PCDHGA6: variants seen among roughly 807,000 people sequenced by gnomAD.
PCDHGA6 encodes the protein protocadherin gamma-A6.
PCDHGA6 carries 41 observed loss-of-function variants against 60.6 expected under a neutral mutation model. The observed-to-expected ratio is 0.68, with a 90% CI of 0.53 to 0.88. The LOEUF is 0.88. Ranked by LOEUF, PCDHGA6 falls within the 40% of genes least tolerant of loss-of-function variation. The probability of loss-of-function intolerance (pLI) is 0.00; values close to 1 mark genes in which losing one functional copy is unlikely to be tolerated. For missense variants in PCDHGA6, 1,312 were observed against 1,203.0 expected (o/e 1.09, Z -1.34); for synonymous variants, 594 against 524.4 (o/e 1.13, Z -1.81).
rs766182165 is a variant in PCDHGA6 at position 141,478,048 on chromosome 5, C to T, written c.2425-16759C>T. ...ACACAGATTCACCCAGGCAGACTCT[C>T]ACGGTCTTGATCAAAGACAATGGGG... On this transcript the variant is annotated intron_variant, in intron 1 of 3. Transcript: ENST00000517434. 5.6e-6 allele frequency: 9 copies of T among 1,614,040 alleles called. No homozygotes were observed. In the Admixed American group the frequency reaches 1.0e-4, roughly 18 times the overall value.
chr5:141,409,405 C>G, intron 1 of PCDHGA6: 1 of 1,614,050 alleles, frequency 6.2e-7, no homozygotes, highest in Non-Finnish European at 8.5e-7. Flanking sequence ...CCAATAACTA[C>G]TACAAACTGG....
chr5:141,399,998 C>T (rs753846360), intron 1 of PCDHGA6: 37 of 1,612,212 alleles, frequency 2.3e-5, no homozygotes, highest in Non-Finnish European at 2.7e-5. Context: ...GAGGTGCGCA[C>T]AGCGCGTGCC....
intron 1 of PCDHGA6, chr5:141,441,209 G>A (rs1276958461): frequency 1.3e-5 from 2 of 152,158 alleles, no homozygotes; most frequent in East Asian, 3.9e-4. Flanking sequence ...TCTGCACCTT[G>A]GACAGTAATC....
chr5:141,486,019 T>C lies in PCDHGA6; in HGVS notation c.2425-8788T>C, dbSNP rs2078071. 3.2e-3 allele frequency: 5,143 copies of C among 1,613,986 alleles called. 141 individuals carry two copies. In the South Asian group the frequency reaches 0.046, roughly 14 times the overall value. ...GTGGTAACGTCACCTTTTATTTCAG[T>C]GGTCATACCCCTGATCGTGTAAGAA... On this transcript the variant is annotated intron_variant, in intron 1 of 3. Transcript: ENST00000517434. The surrounding 1 kb of genome is among the most constrained non-coding windows in gnomAD (Gnocchi z 5.0).
chr5:141,381,798 C>CTCTTTCTTTCTTTCTTTCTT (rs372235829), intron 1 of PCDHGA6, among the ~76,000 whole-genome samples: 32 of 144,170 alleles, frequency 2.2e-4, no homozygotes, highest in African/African-American at 7.7e-4. Flanking sequence ...AGGCAATTCC[C>CTCTTTCTTTCTTTCTTTCTT]TCTTTCTTTC....
chr5:141,464,389 A>G (rs2099082481), intron 1 of PCDHGA6, among the ~76,000 whole-genome samples: 1 of 151,766 alleles, frequency 6.6e-6, no homozygotes, highest in Non-Finnish European at 1.5e-5. Flanking sequence ...AAAAATGCTA[A>G]TGAAGAACCT....
At chr5:141,421,089 T>A (rs1047424267) in intron 1 of PCDHGA6, 25 of 661,836 alleles carry the variant, frequency 3.8e-5, no homozygotes, top group Middle Eastern at 4.1e-4. Context: ...TCACAGATCC[T>A]GACACTGGAG....
chr5:141,388,432 A>C (rs760022375), intron 1 of PCDHGA6: 1 of 1,613,760 alleles, frequency 6.2e-7, no homozygotes, highest in South Asian at 1.1e-5. Context: ...CTGATAAATA[A>C]AGAGAAATCA....
At chr5:141,504,384 C>G (rs2099837898) in intron 2 of PCDHGA6, among the ~76,000 whole-genome samples, 1 of 152,026 alleles carries the variant, frequency 6.6e-6, no homozygotes, top group South Asian at 2.1e-4. Flanking sequence ...GAGTCGCTGC[C>G]TCACAGAAGC....
At chr5:141,404,752 G>A (rs774409689) in intron 1 of PCDHGA6, 1 of 1,614,010 alleles carries the variant, frequency 6.2e-7, no homozygotes, top group Non-Finnish European at 8.5e-7. Context: ...ACTCAGGCCA[G>A]AATGCTTGGC....
At chr5:141,448,573 A>AT (rs976781630) in intron 1 of PCDHGA6, among the ~76,000 whole-genome samples, 10 of 151,772 alleles carry the variant, frequency 6.6e-5, no homozygotes, top group East Asian at 5.8e-4. Flanking sequence ...TTATTTCCCC[A>AT]TTTTTTTTAC....
intron 1 of PCDHGA6, chr5:141,475,902 C>A (rs1296545944): frequency 1.7e-6 from 1 of 576,594 alleles, no homozygotes; most frequent in Non-Finnish European, 3.0e-6. Context: ...GTGCCGCTGT[C>A]GGCCAATGAA....
chr5:141,405,477 T>A, intron 1 of PCDHGA6: 1 of 1,025,232 alleles, frequency 9.8e-7, no homozygotes, highest in Non-Finnish European at 1.4e-6. Context: ...TGGAATGCAG[T>A]GGTGTGATCT....
chr5:141,494,948 G>C (rs909146), intron 2 of PCDHGA6, 83 bp downstream of exon 2: 1 of 1,608,226 alleles, frequency 6.2e-7, no homozygotes, highest in South Asian at 1.1e-5. Flanking sequence ...GGAGGGCCCA[G>C]CATTTGCTAC....
intron 1 of PCDHGA6, chr5:141,418,513 G>T (rs377653202): frequency 1.1e-4 from 173 of 1,613,842 alleles, no homozygotes; most frequent in Non-Finnish European, 1.2e-4. Flanking sequence ...TAGATGGTGG[G>T]GACCCTCCCC....
intron 1 of PCDHGA6, among the ~76,000 whole-genome samples, chr5:141,469,108 C>A (rs923728484): frequency 4.0e-5 from 6 of 151,768 alleles, no homozygotes; most frequent in Non-Finnish European, 5.9e-5. Context: ...AAGAACCTGT[C>A]TCTAAAAAAA....
At chr5:141,451,107 C>T (rs768308463) in intron 1 of PCDHGA6, among the ~76,000 whole-genome samples, 3 of 152,118 alleles carry the variant, frequency 2.0e-5, no homozygotes, top group Non-Finnish European at 4.4e-5. Flanking sequence ...GGATTACAGG[C>T]GTGAGCCACC....
intron 1 of PCDHGA6, chr5:141,388,917 G>C: frequency 6.2e-7 from 1 of 1,614,026 alleles, no homozygotes. Flanking sequence ...CGCCCCAGAA[G>C]TGATATTCCA....
At chr5:141,416,115 A>G (rs2095995433) in intron 1 of PCDHGA6, 2 of 155,406 alleles carry the variant, frequency 1.3e-5, no homozygotes, top group East Asian at 1.9e-4. Context: ...TTCAAACTAC[A>G]TTTTATATAT....
Sources: gnomAD v4.1 joint callset for allele counts (sites outside exome capture counted in the v4.1 genomes callset) on GRCh38, gnomAD v4.1.1 for gene constraint, Gnocchi (gnomAD v3.1) non-coding constraint, MANE v1.5 for transcripts, NCBI Gene and HGNC (gene_info 2026-07-23, HGNC 2026-07-21) for gene names.